Variants in TFEC observed in about 807,000 individuals in gnomAD.
TFEC encodes class E basic helix-loop-helix protein 34.
Under a neutral mutation model 41.6 loss-of-function variants are expected in TFEC, and 31 were observed. The observed-to-expected ratio is 0.74, with a 90% CI of 0.56 to 1.01. The LOEUF is 1.01. Among genes scored for constraint, TFEC ranks in the 50% least tolerant of loss-of-function variants. The probability of loss-of-function intolerance (pLI) is 0.00; values close to 1 mark genes in which losing one functional copy is unlikely to be tolerated. For synonymous variants in TFEC, 143 were observed against 140.6 expected (o/e 1.02, Z -0.12); for missense variants, 402 against 404.1 (o/e 0.99, Z 0.04).
chr7:115,942,858 G>A (rs900097547), intron 6 of TFEC, among the ~76,000 whole-genome samples: 5 of 151,968 alleles, frequency 3.3e-5, no homozygotes, highest in Admixed American at 1.3e-4. Context: ...TACTGCATGA[G>A]AACTAATAAT....
intron 3 of TFEC, among the ~76,000 whole-genome samples, chr7:116,093,495 A>C (rs1797375625): frequency 6.6e-6 from 1 of 152,194 alleles, no homozygotes; most frequent in Non-Finnish European, 1.5e-5. Context: ...TATATGCTCC[A>C]CAATTTAATA....
At chr7:115,972,396 A>G (rs187648370) in intron 3 of TFEC, among the ~76,000 whole-genome samples, 1 of 152,066 alleles carries the variant, frequency 6.6e-6, no homozygotes, top group African/African-American at 2.4e-5. Context: ...TACCAAAGCA[A>G]AGGCAGGTTA....
chr7:116,103,616 T>A (rs1797651621), intron 3 of TFEC, among the ~76,000 whole-genome samples: 1 of 152,150 alleles, frequency 6.6e-6, no homozygotes, highest in Admixed American at 6.5e-5. Flanking sequence ...TCTGTTTTTG[T>A]CAATTATCTA....
chr7:116,084,749 T>A (rs1268231858), intron 3 of TFEC, among the ~76,000 whole-genome samples: 3 of 151,932 alleles, frequency 2.0e-5, no homozygotes, highest in Admixed American at 2.0e-4. Context: ...CAAAATCTTT[T>A]AAAAATCCTT....
At chr7:115,946,637 TTTA>T (rs1216880135) in intron 6 of TFEC, among the ~76,000 whole-genome samples, 5 of 146,738 alleles carry the variant, frequency 3.4e-5, no homozygotes, top group East Asian at 3.9e-4. Flanking sequence ...TCTCTCTCTC[TTTA>T]TTTTCTTTTT....
At chr7:115,956,609 C>G in intron 4 of TFEC, 70 bp downstream of exon 4, 7 of 1,008,744 alleles carry the variant, frequency 6.9e-6, no homozygotes, top group Non-Finnish European at 9.7e-6. Flanking sequence ...CTAGTTAGCA[C>G]AATATATGTC....
At chr7:116,029,021 T>TA (rs1274246459) in intron 1 of TFEC, among the ~76,000 whole-genome samples, 1 of 152,190 alleles carries the variant, frequency 6.6e-6, no homozygotes, top group Admixed American at 6.5e-5. Flanking sequence ...ATCTAGAACT[T>TA]ACAACAAACC....
intron 3 of TFEC, chr7:115,968,185 C>T: frequency 2.0e-6 from 3 of 1,524,652 alleles, no homozygotes; most frequent in Non-Finnish European, 2.6e-6. Flanking sequence ...ACTTGCTCAC[C>T]AGTTTTAACT....
chr7:116,032,418 C>T (rs1795807405), upstream of TFEC, among the ~76,000 whole-genome samples: 1 of 152,028 alleles, frequency 6.6e-6, no homozygotes, highest in Non-Finnish European at 1.5e-5. Context: ...GGAGGAAAGA[C>T]ATGGAATCAA....
rs142678994 is a variant in TFEC at position 116,004,330 on chromosome 7, A to G, written c.-72-19817T>C. Among the ~76,000 whole-genome samples the G allele has an allele frequency of 8.0e-3, 1,224 of 152,326 alleles. 11 individuals are homozygous for G. The highest frequency in any genetic ancestry group is 0.028 in the African/African-American group (1,151 of 41,578). On this transcript the variant is annotated intron_variant, in intron 1 of 7. Coordinates refer to ENST00000265440, the MANE Select transcript of TFEC (RefSeq NM_012252.4). ...AGATCCTATGAACATGAAAGGGGTA[A>G]TAAGTGAATACTACGAACAACTCTA... is the stretch of plus-strand genomic sequence containing the variant.
chr7:116,051,730 A>G (rs1379395931), intron 3 of TFEC, among the ~76,000 whole-genome samples: 1 of 152,226 alleles, frequency 6.6e-6, no homozygotes, highest in Non-Finnish European at 1.5e-5. Context: ...TATCAATAAT[A>G]GTAAAAATAG....
chr7:116,048,787 CA>C (rs1796234735), intron 3 of TFEC, among the ~76,000 whole-genome samples: 1 of 152,188 alleles, frequency 6.6e-6, no homozygotes, highest in African/African-American at 2.4e-5. Context: ...GATCTCTCAG[CA>C]GAAACTCTAC....
At chr7:116,157,683 A>G (rs1341926484) in intron 1 of TFEC, among the ~76,000 whole-genome samples, 1 of 152,158 alleles carries the variant, frequency 6.6e-6, no homozygotes, top group African/African-American at 2.4e-5. Context: ...AGCTCTTTTT[A>G]GGGAAGTTGG....
In TFEC at chr7:115,946,921, T is replaced by A. The variant is rs148230025; in HGVS notation, c.515+3953A>T. ...GAGAAAAAAGTTCTCAGTTTTTTTT[T>A]AAATTTATTATTATTATACTTTAAG... On this transcript the variant is annotated intron_variant, in intron 6 of 7. Coordinates refer to ENST00000265440, the MANE Select transcript of TFEC (RefSeq NM_012252.4). Among the ~76,000 whole-genome samples the A allele has an allele frequency of 3.2e-4, 49 of 151,554 alleles. 1 individual carries two copies. Among genetic ancestry groups the A allele is most frequent in the Middle Eastern group, 6.8e-3 (2 of 294 alleles).
At chr7:115,991,161 C>T (rs13227887) in intron 1 of TFEC, among the ~76,000 whole-genome samples, 20,839 of 152,184 alleles carry the variant, frequency 0.14, 1,924 homozygotes, top group Non-Finnish European at 0.21. Flanking sequence ...AAATCCTTTA[C>T]AGACAAGCAA....
At chr7:116,000,647 A>G (rs1236070588) in intron 1 of TFEC, among the ~76,000 whole-genome samples, 1 of 152,196 alleles carries the variant, frequency 6.6e-6, no homozygotes, top group Non-Finnish European at 1.5e-5. Flanking sequence ...ATTTCAATAT[A>G]TGCCAACAGT....
chr7:115,956,698 T>C lies in TFEC; in HGVS notation c.363A>G (p.Pro121=). The C allele has an allele frequency of 6.2e-7, 1 of 1,607,996 alleles. No homozygotes were observed. The highest frequency in any genetic ancestry group is 1.1e-5 in the South Asian group (1 of 90,248). ...CATTACCTGTAATTTCTCTTTTCAT[T>C]GGTAGACTACTTGGACAAGAAGCAC... is the stretch of plus-strand genomic sequence containing the variant. ...LTSASCPSSL[P]MKREITETDT... The change falls in exon 4 of 8, where the codon CCA becomes CCG. Residue 121 remains proline, a synonymous_variant. Transcript: ENST00000265440.
At chr7:116,047,653 T>C (rs1456376361) in intron 3 of TFEC, among the ~76,000 whole-genome samples, 1 of 152,202 alleles carries the variant, frequency 6.6e-6, no homozygotes, top group Non-Finnish European at 1.5e-5. Flanking sequence ...AAGAGAGTAG[T>C]GGTTCTCCCA....
At chr7:116,130,240 T>A (rs1411767725) in intron 1 of TFEC, among the ~76,000 whole-genome samples, 2 of 152,220 alleles carry the variant, frequency 1.3e-5, no homozygotes, top group Non-Finnish European at 2.9e-5. Flanking sequence ...GCTAGAAGTT[T>A]GTTTTCTTAT....
Sources: allele counts gnomAD v4.1 joint callset (sites outside exome capture counted in the v4.1 genomes callset), GRCh38; gene constraint gnomAD v4.1.1; transcripts MANE v1.5; gene names NCBI Gene and HGNC (gene_info 2026-07-23, HGNC 2026-07-21).